The following DOCK10 variants were observed in gnomAD, a reference collection of about 807,000 sequenced individuals.
DOCK10 encodes dedicator of cytokinesis protein 10.
Under a neutral mutation model 280.1 loss-of-function variants are expected in DOCK10, and 145 were observed. The observed-to-expected ratio is 0.52, with a 90% CI of 0.45 to 0.59. The LOEUF is 0.59. DOCK10 is among the 20% of genes least tolerant of loss of function. The pLI, the probability that DOCK10 is intolerant of heterozygous loss-of-function variation, is 0.00. For synonymous variants in DOCK10, 915 were observed against 942.2 expected (o/e 0.97, Z 0.53); for missense variants, 2,368 against 2,651.7 (o/e 0.89, Z 2.35).
chr2:224,819,325 C>T, intron 29 of DOCK10, 121 bp downstream of exon 29: 2 of 576,982 alleles, frequency 3.5e-6, no homozygotes, highest in Admixed American at 7.3e-5. Flanking sequence ...GCTGCCTCTC[C>T]TTGGCATAGA....
At chr2:224,886,794 G>A (rs1183206946) in intron 4 of DOCK10, among the ~76,000 whole-genome samples, 3 of 151,650 alleles carry the variant, frequency 2.0e-5, no homozygotes, top group Middle Eastern at 3.2e-3. Context: ...TCACTCTGTC[G>A]CTCAGGCTAA....
intron 2 of DOCK10, among the ~76,000 whole-genome samples, chr2:224,930,376 C>T (rs35892480): frequency 0.59 from 88,873 of 151,546 alleles, 26,483 homozygotes; most frequent in Non-Finnish European, 0.64. Context: ...GAAATGAGAT[C>T]TCTGCACGAG....
Position 224,805,263 on chromosome 2 carries a change from C to T in DOCK10, c.3994G>A (p.Ala1332Thr). The T allele has an allele frequency of 6.2e-7, 1 of 1,613,036 alleles. No individual in the cohort carries two copies. Among genetic ancestry groups the T allele is most frequent in the Non-Finnish European group, 8.5e-7 (1 of 1,179,336 alleles). The change falls in exon 36 of 56, where the codon GCA becomes ACA. Residue 1332 changes from alanine (A) to threonine (T), a missense_variant. Coordinates refer to ENST00000258390, the MANE Select transcript of DOCK10 (RefSeq NM_014689.3). The surrounding 1 kb of genome is among the most constrained non-coding windows in gnomAD (Gnocchi z 4.3). ...CACATCAGGAGACTCCTGGTTTCTGCTTGATCTAACTTGTCAAATCGAAGA... is the reference window on the plus strand; with the variant it reads ...CACATCAGGAGACTCCTGGTTTCTGTTTGATCTAACTTGTCAAATCGAAGA... ...STLRFDKLDQ[A>T]ETRSLLMCFL...
chr2:224,998,962 G>A lies in DOCK10; in HGVS notation c.123+43290C>T, dbSNP rs1706350219. ...AGCACTTTGAGAGGCCCAAGCAGGT[G>A]GATCACTTGAGGTCAGGAGTTTGAG... On this transcript the variant is annotated intron_variant, in intron 1 of 55. Coordinates refer to ENST00000258390, the MANE Select transcript of DOCK10 (RefSeq NM_014689.3). 3.9e-5 allele frequency among the ~76,000 whole-genome samples: 6 copies of A among 152,278 alleles called. No homozygotes were observed. The South Asian group carries it at 1.0e-3, about 26-fold the overall frequency.
intron 1 of DOCK10, among the ~76,000 whole-genome samples, chr2:224,987,381 G>A (rs919433984): frequency 2.0e-5 from 3 of 152,210 alleles, no homozygotes; most frequent in Admixed American, 2.0e-4. Context: ...GCTCTAGAAA[G>A]TAGGGGCTGA....
chr2:224,832,280 C>CTGAGATTGCCT (rs1695287097), intron 26 of DOCK10, among the ~76,000 whole-genome samples: 1 of 152,188 alleles, frequency 6.6e-6, no homozygotes, highest in Non-Finnish European at 1.5e-5. Context: ...ATGTATTCTT[C>CTGAGATTGCCT]TGAGATTGCC....
intron 3 of DOCK10, among the ~76,000 whole-genome samples, chr2:224,914,820 A>G (rs1575049571): frequency 6.6e-6 from 1 of 152,192 alleles, no homozygotes; most frequent in East Asian, 1.9e-4. Context: ...TACTTATTAG[A>G]AAAGAAGAAA....
chr2:224,870,143 T>C (rs143780334), intron 11 of DOCK10, among the ~76,000 whole-genome samples: 1 of 152,160 alleles, frequency 6.6e-6, no homozygotes, highest in Non-Finnish European at 1.5e-5. Context: ...GTTCTCATAA[T>C]ATCTGATGGT....
At chr2:225,039,715 T>C (rs1690364537) in intron 1 of DOCK10, among the ~76,000 whole-genome samples, 1 of 150,780 alleles carries the variant, frequency 6.6e-6, no homozygotes, top group East Asian at 1.9e-4. Flanking sequence ...TCTCTCTCTG[T>C]ATACACACCC....
rs1369254225 is a variant in DOCK10 at position 224,770,362 on chromosome 2, C to A, written c.6306-13G>T. On this transcript the variant is annotated splice_polypyrimidine_tract_variant and intron_variant, in intron 54 of 55. Transcript: ENST00000258390. The surrounding 1 kb of genome is among the most constrained non-coding windows in gnomAD (Gnocchi z 4.5). Reference sequence around the variant, plus strand: ...ATCTGCAAATTGCCTTTAGCGACAGCATTAAACAAATTAAAAACCAGCCCT... The same window carrying A: ...ATCTGCAAATTGCCTTTAGCGACAGAATTAAACAAATTAAAAACCAGCCCT... 1.3e-6 allele frequency: 2 copies of A among 1,583,832 alleles called. No individual in the cohort carries two copies. Among genetic ancestry groups the A allele is most frequent in the African/African-American group, 1.4e-5 (1 of 73,820 alleles).
chr2:224,807,525 T>C (rs536413691), intron 33 of DOCK10, 143 bp downstream of exon 33: 40 of 586,894 alleles, frequency 6.8e-5, no homozygotes, highest in East Asian at 5.6e-4. Context: ...AAATGACACA[T>C]TGATGTGAGT....
chr2:224,958,477 T>C (rs772175051), intron 1 of DOCK10, among the ~76,000 whole-genome samples: 6 of 152,184 alleles, frequency 3.9e-5, no homozygotes, highest in Non-Finnish European at 5.9e-5. Flanking sequence ...TCTCTTCCCC[T>C]GCACACTCAC....
intron 52 of DOCK10, among the ~76,000 whole-genome samples, chr2:224,774,182 C>G (rs1006755593): frequency 6.6e-6 from 1 of 152,146 alleles, no homozygotes; most frequent in South Asian, 2.1e-4. Flanking sequence ...GCTCTCAAAG[C>G]GGGTTACTGA....
chr2:224,824,040 T>C (rs1440344395), intron 27 of DOCK10, among the ~76,000 whole-genome samples: 1 of 152,226 alleles, frequency 6.6e-6, no homozygotes, highest in East Asian at 1.9e-4. Flanking sequence ...TTCTAGATAT[T>C]TTGGACATGT....
intron 4 of DOCK10, 83 bp from the exon 5 acceptor site, chr2:224,886,614 A>G (rs1699300412): frequency 9.7e-7 from 1 of 1,036,160 alleles, no homozygotes; most frequent in African/African-American, 1.6e-5. Flanking sequence ...AACAATAACA[A>G]CTATGGTGCT....
At chr2:224,809,498 CAACA>C (rs373663222) in intron 31 of DOCK10, among the ~76,000 whole-genome samples, 1 of 151,834 alleles carries the variant, frequency 6.6e-6, no homozygotes, top group Non-Finnish European at 1.5e-5. Context: ...AACATAATAG[CAACA>C]AACAAACAAA....
At chr2:225,001,246 T>C (rs1458797522) in intron 1 of DOCK10, among the ~76,000 whole-genome samples, 3 of 151,536 alleles carry the variant, frequency 2.0e-5, no homozygotes, top group African/African-American at 4.9e-5. Context: ...GGGACTTTGG[T>C]AAGTCATGAA....
chr2:224,874,615 A>G, intron 9 of DOCK10, 51 bp downstream of exon 9: 1 of 1,516,828 alleles, frequency 6.6e-7, no homozygotes, highest in South Asian at 1.1e-5. Flanking sequence ...GAAAGCAATA[A>G]CTAACAAATA....
intron 51 of DOCK10, among the ~76,000 whole-genome samples, chr2:224,777,234 C>T (rs1260131999): frequency 1.3e-5 from 2 of 151,892 alleles, no homozygotes; most frequent in Admixed American, 6.6e-5. Flanking sequence ...TAAAGTATGG[C>T]GTAGTGTGAT....
Sources: gnomAD v4.1 joint callset for allele counts (sites outside exome capture counted in the v4.1 genomes callset) on GRCh38, gnomAD v4.1.1 for gene constraint, Gnocchi (gnomAD v3.1) non-coding constraint, MANE v1.5 for transcripts, NCBI Gene and HGNC (gene_info 2026-07-23, HGNC 2026-07-21) for gene names.